Variants in DPYD observed in about 807,000 individuals in gnomAD.
DPYD encodes dihydropyrimidine dehydrogenase.
In DPYD, 109 loss-of-function variants were observed where a neutral mutation model predicts 116.2. The observed-to-expected ratio is 0.94, with a 90% CI of 0.80 to 1.10. The LOEUF (loss-of-function observed/expected upper bound fraction) is 1.10. DPYD is among the 50% of genes least tolerant of loss of function. The pLI is 0.00. For synonymous variants in DPYD, 440 were observed against 432.0 expected, an observed-to-expected ratio of 1.02 and a Z score of -0.23; for missense variants, 1,302 against 1,254.5, an observed-to-expected ratio of 1.04 and a Z score of -0.57.
At chr1:97,714,195 C>G (rs573874326) in intron 5 of DPYD, among the ~76,000 whole-genome samples, 1 of 151,982 alleles carries the variant, frequency 6.6e-6, no homozygotes, top group South Asian at 2.1e-4. Flanking sequence ...CAAGGCTCCT[C>G]GTCACATAGA....
chr1:97,722,681 G>A (rs1264819631), intron 4 of DPYD, among the ~76,000 whole-genome samples: 1 of 151,562 alleles, frequency 6.6e-6, no homozygotes, highest in Non-Finnish European at 1.5e-5. Flanking sequence ...TCCATGAAAA[G>A]CCTCAGACAT....
intron 2 of DPYD, among the ~76,000 whole-genome samples, chr1:97,862,583 T>C (rs1347790849): frequency 6.6e-6 from 1 of 151,830 alleles, no homozygotes; most frequent in East Asian, 1.9e-4. Flanking sequence ...ATTTGTTTAT[T>C]TCTTTATTGT....
At chr1:97,546,271 C>A in intron 12 of DPYD, 1 of 1,460,338 alleles carries the variant, frequency 6.8e-7, no homozygotes, top group Non-Finnish European at 9.4e-7. Context: ...AAAAAGAAAC[C>A]TTTAAAAAAA....
intron 5 of DPYD, among the ~76,000 whole-genome samples, chr1:97,707,766 C>G (rs891224487): frequency 6.6e-6 from 1 of 151,852 alleles, no homozygotes; most frequent in African/African-American, 2.4e-5. Context: ...ACATATGAGG[C>G]ATCTATTCAG....
chr1:97,712,350 C>A (rs1330067993), intron 5 of DPYD, among the ~76,000 whole-genome samples: 1 of 151,968 alleles, frequency 6.6e-6, no homozygotes, highest in Admixed American at 6.6e-5. Context: ...CCAAAACTGA[C>A]CTTTTCTATT....
chr1:97,147,716 C>T (rs1654729430), intron 20 of DPYD, among the ~76,000 whole-genome samples: 1 of 152,168 alleles, frequency 6.6e-6, no homozygotes, highest in African/African-American at 2.4e-5. Flanking sequence ...TGTATAAAAT[C>T]TTCTCAATGT....
chr1:97,079,228 T>C lies in DPYD; in HGVS notation c.2908-82A>G, dbSNP rs868374020. ...CCATTTTAGCGTTAACATTTTTCTC[T>C]GCTGCAGAGGAGCCACACTATGAGA... is the stretch of plus-strand genomic sequence containing the variant. On this transcript the variant is annotated intron_variant, in intron 22 of 22. Coordinates refer to ENST00000370192, the MANE Select transcript of DPYD (RefSeq NM_000110.4). The C allele has an allele frequency of 6.8e-6, 10 of 1,481,360 alleles. 1 individual carries two copies. The African/African-American group carries it at 1.4e-4, about 20-fold the overall frequency. 91.8% of individuals were successfully genotyped at this position (1,481,360 alleles called of 1,614,324 possible).
intron 18 of DPYD, among the ~76,000 whole-genome samples, chr1:97,275,503 A>G (rs1199309287): frequency 1.3e-5 from 2 of 152,034 alleles, no homozygotes; most frequent in Non-Finnish European, 2.9e-5. Context: ...TGTTCACCTT[A>G]TTTTCCTTTA....
intron 20 of DPYD, among the ~76,000 whole-genome samples, chr1:97,191,680 C>T (rs1413580590): frequency 6.6e-6 from 1 of 152,124 alleles, no homozygotes; most frequent in Non-Finnish European, 1.5e-5. Context: ...CAGCTACTTC[C>T]ATTTCCGCTC....
chr1:97,545,471 A>G (rs1034119818), intron 12 of DPYD, among the ~76,000 whole-genome samples: 4 of 152,208 alleles, frequency 2.6e-5, no homozygotes, highest in Admixed American at 2.0e-4. Context: ...AAAATGTTAA[A>G]TACTGGAGTT....
intron 10 of DPYD, among the ~76,000 whole-genome samples, chr1:97,579,328 C>G (rs1653479824): frequency 6.6e-6 from 1 of 152,120 alleles, no homozygotes. Context: ...GAAGAACATT[C>G]AAATTAAGGA....
chr1:97,083,142 C>G (rs1360393545), intron 21 of DPYD, among the ~76,000 whole-genome samples: 1 of 152,104 alleles, frequency 6.6e-6, no homozygotes, highest in East Asian at 1.9e-4. Context: ...TTGCTTTGTT[C>G]TTCATACTAA....
intron 3 of DPYD, among the ~76,000 whole-genome samples, chr1:97,771,059 T>G (rs931487397): frequency 7.2e-5 from 11 of 152,174 alleles, no homozygotes; most frequent in Non-Finnish European, 1.5e-4. Flanking sequence ...GGCTTATGCC[T>G]GTAATCCCAG....
intron 19 of DPYD, among the ~76,000 whole-genome samples, chr1:97,197,798 T>C (rs1658919681): frequency 6.6e-6 from 1 of 152,118 alleles, no homozygotes; most frequent in Non-Finnish European, 1.5e-5. Flanking sequence ...ACTGAGAATG[T>C]GAACTGAACA....
At chr1:97,376,365 C>T (rs1292548358) in intron 15 of DPYD, among the ~76,000 whole-genome samples, 1 of 151,658 alleles carries the variant, frequency 6.6e-6, no homozygotes, top group African/African-American at 2.4e-5. Flanking sequence ...TTTAAAATCA[C>T]CTGTTCAATA....
At chr1:97,536,194 G>A (rs12093651) in intron 12 of DPYD, among the ~76,000 whole-genome samples, 37,793 of 152,040 alleles carry the variant, frequency 0.25, 4,945 homozygotes, top group Admixed American at 0.31. Context: ...TCCTGACCCA[G>A]TGGAAAAACT....
At chr1:97,166,219 T>TA (rs1656314911) in intron 20 of DPYD, among the ~76,000 whole-genome samples, 1 of 152,026 alleles carries the variant, frequency 6.6e-6, no homozygotes, top group South Asian at 2.1e-4. Context: ...ATAAAGAAAA[T>TA]ATGGTACATA....
intron 19 of DPYD, among the ~76,000 whole-genome samples, chr1:97,211,497 A>G (rs769826298): frequency 3.0e-4 from 46 of 152,292 alleles, no homozygotes; most frequent in South Asian, 1.7e-3. Context: ...ACCACTACAT[A>G]ATACACTGTT....
intron 20 of DPYD, among the ~76,000 whole-genome samples, chr1:97,181,127 A>G (rs747941237): frequency 1.3e-4 from 19 of 151,994 alleles, no homozygotes; most frequent in Non-Finnish European, 2.2e-4. Flanking sequence ...TTGATCACAC[A>G]CCTCTGCTGG....
Sources: allele counts gnomAD v4.1 joint callset (sites outside exome capture counted in the v4.1 genomes callset), GRCh38; gene constraint gnomAD v4.1.1; transcripts MANE v1.5; gene names NCBI Gene and HGNC (gene_info 2026-07-23, HGNC 2026-07-21).